The following CELF2 variants were observed in gnomAD, a reference collection of about 807,000 sequenced individuals.
CELF2 encodes CUGBP Elav-like family member 2, also known as CUG triplet repeat RNA-binding protein 2.
In CELF2, 8 loss-of-function variants were observed where a neutral mutation model predicts 62.6. The observed-to-expected ratio is 0.13, with a 90% CI of 0.07 to 0.23. The LOEUF (loss-of-function observed/expected upper bound fraction) is 0.23, where lower values mean the gene tolerates loss of function less well. CELF2 is among the 10% of genes least tolerant of loss of function. The pLI, the probability that CELF2 is intolerant of heterozygous loss-of-function variation, is 1.00. For synonymous variants in CELF2, 258 were observed against 250.0 expected, an observed-to-expected ratio of 1.03 and a Z score of -0.30; for missense variants, 333 against 671.0, an observed-to-expected ratio of 0.50 and a Z score of 5.56.
At position 11,025,447 on chromosome 10, in the gene CELF2, T is replaced by TAAGG. The variant is rs1195067000; in HGVS notation, c.74+7285_74+7288dup. Among the ~76,000 whole-genome samples, 5 of 152,258 alleles carry TAAGG rather than the reference T, an allele frequency of 3.3e-5. No individual in the cohort carries two copies. In the East Asian group the frequency reaches 9.7e-4, roughly 29 times the overall value. On this transcript the variant is annotated intron_variant, in intron 1 of 12. Coordinates refer to ENST00000633077, the MANE Select transcript of CELF2 (RefSeq NM_001326342.2). Reference sequence around the variant, plus strand: ...GTTCTCACGAGATCCGATGGTTTTATAAGGGGCCCTTCCCCCTTCGTTCAA... The same window carrying TAAGG: ...GTTCTCACGAGATCCGATGGTTTTATAAGGAAGGGGCCCTTCCCCCTTCGTTCAA...
chr10:10,686,590 A>G, the CELF2 span, among the ~76,000 whole-genome samples: 3 of 152,072 alleles, frequency 2.0e-5, no homozygotes, highest in Non-Finnish European at 4.4e-5. Context: ...TCCTTGTGAT[A>G]GTGAGTGAGT....
In CELF2 at chr10:11,315,112, G is replaced by T. The variant is rs1162771723; in HGVS notation, c.1096+854G>T. On this transcript the variant is annotated intron_variant, in intron 10 of 12. Transcript: ENST00000633077. The surrounding 1 kb of genome is among the most constrained non-coding windows in gnomAD (Gnocchi z 5.8). ...CGGCCAGAGGATAAGTCGTGTTTTA[G>T]ATTCATGCTCGGTGTGGGTTCCTGT... is the stretch of plus-strand genomic sequence containing the variant. Among the ~76,000 whole-genome samples the T allele has an allele frequency of 6.6e-6, 1 of 152,286 alleles. No individual in the cohort carries two copies. Among genetic ancestry groups the T allele is most frequent in the East Asian group, 1.9e-4 (1 of 5,180 alleles).
the CELF2 span, among the ~76,000 whole-genome samples, chr10:10,769,168 T>C: frequency 6.6e-6 from 1 of 152,186 alleles, no homozygotes; most frequent in Non-Finnish European, 1.5e-5. Flanking sequence ...AGAATAAGAA[T>C]GCAGAGATTA....
In CELF2 at chr10:11,336,391, T is replaced by A. The variant is rs1643880946; in HGVS notation, c.*7338T>A. 1 of 152,654 alleles carries A rather than the reference T, an allele frequency of 6.6e-6. No homozygotes were observed. The highest frequency in any genetic ancestry group is 2.1e-4 in the South Asian group (1 of 4,834). The allele number at this position is 152,654 out of a possible 1,614,324, so 9.5% of individuals were successfully genotyped here. On this transcript the variant is annotated 3_prime_UTR_variant, in exon 13 of 13. Coordinates refer to ENST00000633077, the MANE Select transcript of CELF2 (RefSeq NM_001326342.2). The surrounding 1 kb of genome is among the most constrained non-coding windows in gnomAD (Gnocchi z 5.4). Reference sequence around the variant, plus strand: ...TATCTTCATGTGACCATGAAACGTTTCTATTGAGTGAAAATGATATCTTAA... The same window carrying A: ...TATCTTCATGTGACCATGAAACGTTACTATTGAGTGAAAATGATATCTTAA...
the CELF2 span, among the ~76,000 whole-genome samples, chr10:10,783,986 C>CA: frequency 6.5e-4 from 92 of 140,722 alleles, no homozygotes; most frequent in Admixed American, 1.1e-3. Flanking sequence ...GACTCCTTCC[C>CA]AAAAAAAAAA....
chr10:11,165,746 C>CCG lies in CELF2; in HGVS notation c.271+65_271+66dup. On this transcript the variant is annotated intron_variant, in intron 2 of 12. Transcript: ENST00000633077. This position sits in a 1 kb window ranked among gnomAD's most constrained non-coding sequence, Gnocchi z 7.4. Reference sequence around the variant, plus strand: ...GGGCGTCGCGGGGCACTGGGGCTGTCCGAGCCCCCAGCCTGCAGGAGGAAG... The same window carrying CCG: ...GGGCGTCGCGGGGCACTGGGGCTGTCCGCGAGCCCCCAGCCTGCAGGAGGAAG... 6.9e-7 allele frequency: 1 copy of CCG among 1,449,088 alleles called. No homozygotes were observed. Among genetic ancestry groups the CCG allele is most frequent in the Non-Finnish European group, 9.3e-7 (1 of 1,071,562 alleles). The allele number at this position is 1,449,088 out of a possible 1,614,324, so 89.8% of individuals were successfully genotyped here.
chr10:11,203,939 A>G (rs886219573), intron 2 of CELF2, among the ~76,000 whole-genome samples: 14 of 152,214 alleles, frequency 9.2e-5, no homozygotes, highest in Non-Finnish European at 1.3e-4. Flanking sequence ...TTATTTTAAT[A>G]TGAATCTGAG....
chr10:10,656,086 A>G, the CELF2 span, among the ~76,000 whole-genome samples: 63 of 149,534 alleles, frequency 4.2e-4, 3 homozygotes, highest in East Asian at 0.012. Flanking sequence ...TTCTCAAAAG[A>G]AGACATTTAT....
At chr10:10,742,168 T>C in the CELF2 span, among the ~76,000 whole-genome samples, 1 of 152,358 alleles carries the variant, frequency 6.6e-6, no homozygotes, top group South Asian at 2.1e-4. Flanking sequence ...GATAACTTAG[T>C]TTCATTCAAT....
the CELF2 span, among the ~76,000 whole-genome samples, chr10:10,518,902 C>A: frequency 2.0e-5 from 3 of 152,028 alleles, no homozygotes; most frequent in Non-Finnish European, 4.4e-5. Context: ...CTGAGGTGAG[C>A]CCAGTGGAGC....
At chr10:10,464,894 A>G in the CELF2 span, among the ~76,000 whole-genome samples, 1 of 152,160 alleles carries the variant, frequency 6.6e-6, no homozygotes, top group Admixed American at 6.6e-5. Context: ...TTACCTAAGG[A>G]TACGTAATAT....
chr10:11,288,112 C>CTTGGGCT (rs2091785652), intron 8 of CELF2, among the ~76,000 whole-genome samples: 1 of 152,244 alleles, frequency 6.6e-6, no homozygotes, highest in South Asian at 2.1e-4. Flanking sequence ...GCAGGAAGGC[C>CTTGGGCT]TTGGGCTGAG....
chr10:10,770,398 C>CGT, the CELF2 span, among the ~76,000 whole-genome samples: 5 of 151,880 alleles, frequency 3.3e-5, no homozygotes, highest in Admixed American at 1.3e-4. Flanking sequence ...CAGGACTGAC[C>CGT]TAGGCTGAGG....
the CELF2 span, among the ~76,000 whole-genome samples, chr10:10,506,670 AT>A: frequency 1.2e-3 from 79 of 64,546 alleles, no homozygotes; most frequent in East Asian, 0.022. Flanking sequence ...CCTCCTGTGA[AT>A]TTTTTTTTTT....
upstream of CELF2, among the ~76,000 whole-genome samples, chr10:10,796,152 G>A (rs780295531): frequency 3.9e-5 from 6 of 152,148 alleles, no homozygotes; most frequent in African/African-American, 7.2e-5. Context: ...CACAGGCATC[G>A]CTTCTAAGTT....
intron 2 of CELF2, among the ~76,000 whole-genome samples, chr10:11,187,525 T>A (rs187194474): frequency 1.3e-5 from 2 of 152,120 alleles, no homozygotes; most frequent in East Asian, 3.8e-4. Context: ...TAACATATAA[T>A]GTAATTGTTG....
intron 1 of CELF2, among the ~76,000 whole-genome samples, chr10:11,045,531 T>TA (rs1455898892): frequency 3.1e-4 from 47 of 152,362 alleles, no homozygotes; most frequent in African/African-American, 1.0e-3. Flanking sequence ...AGATGATTCC[T>TA]ATAAAGTACC....
chr10:10,909,871 A>G (rs1017411261), intron 1 of CELF2, among the ~76,000 whole-genome samples: 1 of 151,996 alleles, frequency 6.6e-6, no homozygotes, highest in African/African-American at 2.4e-5. Flanking sequence ...GCTCATGTTT[A>G]TAAAGTTTCC....
the CELF2 span, among the ~76,000 whole-genome samples, chr10:10,760,348 T>G: frequency 6.6e-6 from 1 of 152,210 alleles, no homozygotes; most frequent in South Asian, 2.1e-4. Flanking sequence ...GAATGCTCCA[T>G]GTGACCCAGA....
Sources: gnomAD v4.1 joint callset for allele counts (sites outside exome capture counted in the v4.1 genomes callset) on GRCh38, gnomAD v4.1.1 for gene constraint, Gnocchi (gnomAD v3.1) non-coding constraint, MANE v1.5 for transcripts, NCBI Gene and HGNC (gene_info 2026-07-23, HGNC 2026-07-21) for gene names.